Variants in PPME1 observed in about 807,000 individuals in gnomAD.
PPME1 encodes protein phosphatase methylesterase 1.
PPME1 carries 17 observed loss-of-function variants against 56.9 expected under a neutral mutation model. The observed-to-expected ratio is 0.30, with a 90% CI of 0.20 to 0.45. The LOEUF is 0.45. PPME1 is among the 20% of genes least tolerant of loss of function. The probability of loss-of-function intolerance (pLI) is 1.00; values close to 1 mark genes in which losing one functional copy is unlikely to be tolerated. For synonymous variants in PPME1, 122 were observed against 156.2 expected (o/e 0.78, Z 1.63); for missense variants, 357 against 483.2 (o/e 0.74, Z 2.45).
chr11:74,241,589 C>T (rs1431372110), intron 9 of PPME1, among the ~76,000 whole-genome samples: 4 of 152,114 alleles, frequency 2.6e-5, no homozygotes, highest in African/African-American at 9.7e-5. Context: ...GCAGGTGCAC[C>T]CTTTTACATT....
chr11:74,235,507 A>G (rs906066955), intron 7 of PPME1, among the ~76,000 whole-genome samples: 14 of 152,086 alleles, frequency 9.2e-5, no homozygotes, highest in East Asian at 1.9e-4. Flanking sequence ...CTTGTTATCT[A>G]TACTCCTCAG....
intron 3 of PPME1, among the ~76,000 whole-genome samples, chr11:74,218,459 A>G (rs1858713331): frequency 6.6e-6 from 1 of 152,206 alleles, no homozygotes; most frequent in African/African-American, 2.4e-5. Context: ...CCTGATAGAA[A>G]AGAACAAAAC....
chr11:74,179,592 A>G (rs1162002031), intron 1 of PPME1, among the ~76,000 whole-genome samples: 1 of 152,182 alleles, frequency 6.6e-6, no homozygotes, highest in East Asian at 1.9e-4. Context: ...GTCACCTTAA[A>G]ATGAGAATAC....
chr11:74,235,927 T>A lies in PPME1; in HGVS notation c.671T>A (p.Leu224Gln). The A allele has an allele frequency of 6.2e-7, 1 of 1,612,648 alleles. No individual in the cohort carries two copies. The highest frequency in any genetic ancestry group is 2.2e-5 in the East Asian group (1 of 44,864). Residue 224 changes from leucine (L) to glutamine (Q), a missense_variant, in exon 8 of 14, where the codon CTG becomes CAG. Around this residue, in one of 2 missense-constraint regions of PPME1, gnomAD observed 182 missense variants for 293.8 expected, o/e 0.62. Coordinates refer to ENST00000328257, the MANE Select transcript of PPME1 (RefSeq NM_016147.3). ...WSVKSGQIRN[L>Q]ESARVSMVGQ... ...GTGAAGAGTGGCCAGATTCGAAATC[T>A]GGAGTCTGCCCGTGTCTCAATGGTT... is the stretch of plus-strand genomic sequence containing the variant.
chr11:74,221,058 TTAAA>T (rs1858786889), intron 3 of PPME1, among the ~76,000 whole-genome samples: 1 of 152,316 alleles, frequency 6.6e-6, no homozygotes, highest in African/African-American at 2.4e-5. Context: ...GAAAGATTTG[TTAAA>T]TAAATAAATG....
At chr11:74,198,270 C>G (rs1404157727) in intron 1 of PPME1, among the ~76,000 whole-genome samples, 1 of 152,066 alleles carries the variant, frequency 6.6e-6, no homozygotes, top group South Asian at 2.1e-4. Flanking sequence ...GCTTTTAATT[C>G]CATTGCCAGT....
chr11:74,239,143 A>T lies in PPME1; in HGVS notation c.721A>T (p.Ile241Phe). 1 of 1,612,468 alleles carries T rather than the reference A, an allele frequency of 6.2e-7. No individual in the cohort carries two copies. The highest frequency in any genetic ancestry group is 1.1e-5 in the South Asian group (1 of 90,912). ...MVGQVKQCEGITSPEGSKSIV... is the reference protein window; with the variant it reads ...MVGQVKQCEGFTSPEGSKSIV... ...TTTAAAAAAACCTAGGTGTGAAGGA[A>T]TTACAAGTCCAGAAGGCTCAAAATC... Residue 241 changes from isoleucine (I) to phenylalanine (F), a missense_variant, in exon 9 of 14, where the codon ATT (isoleucine) becomes TTT (phenylalanine). Coordinates refer to ENST00000328257, the MANE Select transcript of PPME1 (RefSeq NM_016147.3).
chr11:74,239,731 C>T (rs1437331897), intron 9 of PPME1, among the ~76,000 whole-genome samples: 1 of 152,030 alleles, frequency 6.6e-6, no homozygotes, highest in East Asian at 1.9e-4. Flanking sequence ...CGCCCGCCAC[C>T]ACACCCAGCT....
At chr11:74,185,611 G>T (rs199521743) in intron 1 of PPME1, among the ~76,000 whole-genome samples, 7 of 135,366 alleles carry the variant, frequency 5.2e-5, no homozygotes, top group African/African-American at 5.4e-5. Context: ...TTTTTTTTTT[G>T]TTTGAGGCCA....
chr11:74,180,280 G>C (rs1472070675), intron 1 of PPME1, among the ~76,000 whole-genome samples: 1 of 152,054 alleles, frequency 6.6e-6, no homozygotes, highest in African/African-American at 2.4e-5. Flanking sequence ...TGTAATTATT[G>C]GTCAACTGTG....
intron 3 of PPME1, among the ~76,000 whole-genome samples, chr11:74,207,162 GGACTATTAC>G (rs1402668263): frequency 6.6e-6 from 1 of 152,142 alleles, no homozygotes; most frequent in Non-Finnish European, 1.5e-5. Flanking sequence ...CTAAAGATTA[GGACTATTAC>G]AAAGCAACCC....
At chr11:74,212,109 C>T (rs942925474) in intron 3 of PPME1, among the ~76,000 whole-genome samples, 4 of 152,302 alleles carry the variant, frequency 2.6e-5, no homozygotes, top group African/African-American at 9.6e-5. Context: ...AGGATAGAAA[C>T]GACAGTCTTG....
At chr11:74,251,182 T>A in intron 12 of PPME1, 164 bp downstream of exon 12, 1 of 1,459,936 alleles carries the variant, frequency 6.8e-7, no homozygotes, top group South Asian at 1.4e-5. Flanking sequence ...TGGCAGCTGC[T>A]TATGGTATTG....
chr11:74,236,033 T>C, intron 8 of PPME1, 67 bp downstream of exon 8: 1 of 1,570,514 alleles, frequency 6.4e-7, no homozygotes, highest in East Asian at 2.3e-5. Context: ...TACAGATTGC[T>C]TCTTTTGTCT....
In PPME1 at chr11:74,230,360, C is replaced by G; in HGVS notation, c.514C>G (p.Pro172Ala). Residue 172 changes from proline (P) to alanine (A), a missense_variant, in exon 6 of 14, where the codon CCA becomes GCA. This residue lies in a region of PPME1 where 182 missense variants were observed against 293.8 expected (regional missense o/e 0.62). Coordinates refer to ENST00000328257, the MANE Select transcript of PPME1 (RefSeq NM_016147.3). The surrounding 1 kb of genome is among the most constrained non-coding windows in gnomAD (Gnocchi z 4.9). Reference sequence around the variant, plus strand: ...CCACACAGCATCATCCAACCTGGTACCAAGCCTCTTGGGTCTGTGCATGAT... The same window carrying G: ...CCACACAGCATCATCCAACCTGGTAGCAAGCCTCTTGGGTCTGTGCATGAT... ...AVHTASSNLV[P>A]SLLGLCMIDV... 1 of 1,613,786 alleles carries G rather than the reference C, an allele frequency of 6.2e-7. No individual in the cohort carries two copies. The highest frequency in any genetic ancestry group is 1.1e-5 in the South Asian group (1 of 91,062).
At chr11:74,232,859 G>GC (rs1177098150) in intron 7 of PPME1, among the ~76,000 whole-genome samples, 1 of 113,806 alleles carries the variant, frequency 8.8e-6, no homozygotes, top group African/African-American at 4.3e-5. Context: ...TTTGTTATTT[G>GC]ATTTTTTTTT....
chr11:74,230,688 G>A lies in PPME1; in HGVS notation c.554-224G>A, dbSNP rs548300050. 29 of 597,004 alleles carry A rather than the reference G, an allele frequency of 4.9e-5. No homozygotes were observed. In the African/African-American group the frequency reaches 4.9e-4, roughly 10 times the overall value. The allele number at this position is 597,004 out of a possible 1,614,324, so 37.0% of individuals were successfully genotyped here. A position where few individuals can be genotyped will look rare whatever the true frequency, so the allele number is the denominator to read the frequency against. ...TGTCTTTTCTGACCCAGCTTCAGAA[G>A]TCACACTGCTGCTTGTGAATACAAG... On this transcript the variant is annotated intron_variant, in intron 6 of 13. Coordinates refer to ENST00000328257, the MANE Select transcript of PPME1 (RefSeq NM_016147.3). This position sits in a 1 kb window ranked among gnomAD's most constrained non-coding sequence, Gnocchi z 4.9.
Position 74,173,739 on chromosome 11 carries a change from G to A in PPME1, c.101+2217G>A, listed in dbSNP as rs769119447. On this transcript the variant is annotated intron_variant, in intron 1 of 13. Coordinates refer to ENST00000328257, the MANE Select transcript of PPME1 (RefSeq NM_016147.3). The stretch of plus-strand genomic sequence containing the variant: ...GTATTTTTAGTAGAGAGGGGATTTC[G>A]CCATGTTGGCCAGGCTGGTCTTAAA... 7.0e-4 allele frequency among the ~76,000 whole-genome samples: 106 copies of A among 152,122 alleles called. 1 individual carries two copies. The highest frequency in any genetic ancestry group is 4.1e-3 in the Admixed American group (63 of 15,288).
intron 3 of PPME1, chr11:74,205,225 C>T (rs191892990): frequency 6.6e-6 from 1 of 152,178 alleles, no homozygotes; most frequent in African/African-American, 2.4e-5. Context: ...TTTAATGGTG[C>T]TTGTTAGCTA....
Sources: gnomAD v4.1 joint callset for allele counts (sites outside exome capture counted in the v4.1 genomes callset) on GRCh38, gnomAD v4.1.1 for gene constraint, gnomAD v4.1.1 regional missense constraint, Gnocchi (gnomAD v3.1) non-coding constraint, MANE v1.5 for transcripts, NCBI Gene and HGNC (gene_info 2026-07-23, HGNC 2026-07-21) for gene names.